The following MOXD1 variants were observed in gnomAD, a reference collection of about 807,000 sequenced individuals.
The protein encoded by MOXD1 is monooxygenase DBH like 1.
Under a neutral mutation model 66.6 loss-of-function variants are expected in MOXD1, and 62 were observed. The observed-to-expected ratio is 0.93, with a 90% CI of 0.76 to 1.15. The LOEUF (loss-of-function observed/expected upper bound fraction) is 1.15, where lower values mean the gene tolerates loss of function less well. MOXD1 is among the 50% of genes most tolerant of loss of function. The probability of loss-of-function intolerance (pLI) is 0.00; values close to 1 mark genes in which losing one functional copy is unlikely to be tolerated. For synonymous variants in MOXD1, 303 were observed against 281.9 expected (o/e 1.07, Z -0.75); for missense variants, 847 against 754.6 (o/e 1.12, Z -1.44).
rs562012652 is a variant in MOXD1, at chr6:132,317,095, A to T, written c.1366-1318T>A. Among the ~76,000 whole-genome samples the T allele has an allele frequency of 1.2e-4, 19 of 152,302 alleles. No homozygotes were observed. The South Asian group carries it at 3.3e-3, about 27-fold the overall frequency. ...GAATACAATTGACAGCTGACATTTCATCATAAATGATGGAAATAACAAAAA... is the reference window on the plus strand; with the variant it reads ...GAATACAATTGACAGCTGACATTTCTTCATAAATGATGGAAATAACAAAAA... On this transcript the variant is annotated intron_variant, in intron 9 of 11. Coordinates refer to ENST00000367963, the MANE Select transcript of MOXD1 (RefSeq NM_015529.4).
At position 132,346,605 on chromosome 6, in the gene MOXD1, G is replaced by A. The variant is rs534548173; in HGVS notation, c.664-18011C>T. Among the ~76,000 whole-genome samples, 17 of 152,278 alleles carry A rather than the reference G, an allele frequency of 1.1e-4. No homozygotes were observed. In the South Asian group the frequency reaches 3.3e-3, roughly 30 times the overall value. On this transcript the variant is annotated intron_variant, in intron 4 of 11. Transcript: ENST00000367963. ...GGCCTTTTAAATGCCTGCAAAGTAA[G>A]TTCTGTTCTATCTGGTAATGAAAGC...
At chr6:132,398,073 A>C (rs1776936789) in intron 1 of MOXD1, among the ~76,000 whole-genome samples, 1 of 152,088 alleles carries the variant, frequency 6.6e-6, no homozygotes, top group African/African-American at 2.4e-5. Context: ...TTGAGTCTCT[A>C]TTGTCTATCA....
rs1562283409 is a variant in MOXD1 at position 132,328,076 on chromosome 6, T to G, written c.883A>C (p.Thr295Pro). The G allele has an allele frequency of 2.5e-6, 4 of 1,613,540 alleles. No homozygotes were observed. The highest frequency in any genetic ancestry group is 3.4e-6 in the Non-Finnish European group (4 of 1,179,850). ...YPPHVGLSLG[T>P]PLDPHYVLLE... Reference sequence around the variant, plus strand: ...AGCACATAATGCGGATCTAATGGAGTGCCAAGGGATAATCCAACATGAGGT... The same window carrying G: ...AGCACATAATGCGGATCTAATGGAGGGCCAAGGGATAATCCAACATGAGGT... The change falls in exon 6 of 12, where the codon ACT (threonine) becomes CCT (proline). Residue 295 changes from threonine (T) to proline (P), a missense_variant. Physicochemically the swap from Thr to Pro is conservative, Grantham distance 38. Transcript: ENST00000367963.
intron 4 of MOXD1, among the ~76,000 whole-genome samples, chr6:132,364,539 GAGAA>G (rs1458001299): frequency 3.3e-5 from 5 of 152,168 alleles, no homozygotes; most frequent in Non-Finnish European, 5.9e-5. Flanking sequence ...TCCAGTGAAT[GAGAA>G]AGAGAGTTTG....
At chr6:132,370,280 A>G (rs1055522958) in intron 4 of MOXD1, among the ~76,000 whole-genome samples, 4 of 152,098 alleles carry the variant, frequency 2.6e-5, no homozygotes, top group African/African-American at 7.2e-5. Context: ...GAGCATGGAA[A>G]TCAGACAACT....
intron 6 of MOXD1, 22 bp from the exon 7 acceptor site, chr6:132,324,119 A>G (rs1354928625): frequency 3.1e-6 from 5 of 1,594,940 alleles, no homozygotes; most frequent in African/African-American, 2.7e-5. Flanking sequence ...GCACATAATT[A>G]AAGTGATTTT....
intron 4 of MOXD1, among the ~76,000 whole-genome samples, chr6:132,329,945 T>C (rs187112626): frequency 1.8e-4 from 28 of 152,320 alleles, no homozygotes; most frequent in Admixed American, 7.8e-4. Flanking sequence ...GCAGTGAAAT[T>C]GGTCCTAATG....
chr6:132,336,620 A>C (rs1323385292), intron 4 of MOXD1, among the ~76,000 whole-genome samples: 1 of 152,172 alleles, frequency 6.6e-6, no homozygotes, highest in Non-Finnish European at 1.5e-5. Flanking sequence ...TAAGGGTGCA[A>C]TGCAAATCCT....
At chr6:132,311,734 GTATT>G (rs1774835856) in intron 10 of MOXD1, among the ~76,000 whole-genome samples, 1 of 148,778 alleles carries the variant, frequency 6.7e-6, no homozygotes, top group African/African-American at 2.5e-5. Context: ...TCTTGTAACA[GTATT>G]TAATCAATTC....
At chr6:132,395,051 AG>A (rs1448866106) in intron 1 of MOXD1, among the ~76,000 whole-genome samples, 1 of 152,206 alleles carries the variant, frequency 6.6e-6, no homozygotes, top group Non-Finnish European at 1.5e-5. Flanking sequence ...AACTCAAAAA[AG>A]CAAGAGAAAA....
intron 9 of MOXD1, 25 bp from the exon 10 acceptor site, chr6:132,315,802 A>G: frequency 6.2e-7 from 1 of 1,611,702 alleles, no homozygotes; most frequent in East Asian, 2.2e-5. Flanking sequence ...TTTATTTAGC[A>G]AAGTATGTGT....
At chr6:132,329,765 A>G (rs1034263844) in intron 4 of MOXD1, among the ~76,000 whole-genome samples, 5 of 152,156 alleles carry the variant, frequency 3.3e-5, no homozygotes, top group African/African-American at 1.2e-4. Flanking sequence ...AACAACAAGG[A>G]AACTTACTGC....
chr6:132,386,294 T>C lies in MOXD1; in HGVS notation c.265-11517A>G, dbSNP rs9402401. ...GCGGGCGCCTGTAGTCCCAGCTACT[T>C]GGGAGGCTGAGGCAGGAGAATGGCG... On this transcript the variant is annotated intron_variant, in intron 1 of 11. Transcript: ENST00000367963. Among the ~76,000 whole-genome samples the C allele has an allele frequency of 7.3e-4, 87 of 118,784 alleles. 5 individuals carry two copies. Among genetic ancestry groups the C allele is most frequent in the African/African-American group, 1.9e-3 (56 of 29,216 alleles). 77.9% of individuals were successfully genotyped at this position (118,784 alleles called of 152,430 possible).
chr6:132,361,892 G>T (rs1238326954), intron 4 of MOXD1, among the ~76,000 whole-genome samples: 5 of 152,080 alleles, frequency 3.3e-5, no homozygotes, highest in Non-Finnish European at 7.4e-5. Context: ...CCCAAAGAAA[G>T]TCTTGATACC....
At chr6:132,395,942 T>C (rs1417795927) in intron 1 of MOXD1, among the ~76,000 whole-genome samples, 1 of 152,082 alleles carries the variant, frequency 6.6e-6, no homozygotes, top group East Asian at 1.9e-4. Flanking sequence ...AACACAGTAA[T>C]AGGAACGTTA....
chr6:132,329,634 CT>C (rs1219690225), intron 4 of MOXD1, among the ~76,000 whole-genome samples: 1 of 151,938 alleles, frequency 6.6e-6, no homozygotes, highest in Non-Finnish European at 1.5e-5. Flanking sequence ...ATCATTTTTA[CT>C]GGTGATTTTA....
chr6:132,315,694 A>G lies in MOXD1; in HGVS notation c.1449T>C (p.Ile483=). The G allele has an allele frequency of 3.1e-6, 5 of 1,613,624 alleles. No individual in the cohort carries two copies. In the South Asian group the frequency reaches 5.5e-5, roughly 18 times the overall value. ...PRINLTRCAS[I]PDIMEQLQFI... ...ACTGAAGTTGTTCCATAATGTCTGGAATACTTGCACATCGAGTAAGATTAA... is the reference window on the plus strand; with the variant it reads ...ACTGAAGTTGTTCCATAATGTCTGGGATACTTGCACATCGAGTAAGATTAA... The change falls in exon 10 of 12, where the codon ATT becomes ATC. Residue 483 remains isoleucine (I), a synonymous_variant. Coordinates refer to ENST00000367963, the MANE Select transcript of MOXD1 (RefSeq NM_015529.4).
chr6:132,358,496 G>T (rs1295853326), intron 4 of MOXD1, among the ~76,000 whole-genome samples: 1 of 152,170 alleles, frequency 6.6e-6, no homozygotes. Context: ...TTTGGTACAT[G>T]ATGAGCAATC....
chr6:132,372,157 C>CT (rs1262482321), intron 4 of MOXD1, among the ~76,000 whole-genome samples: 2 of 152,040 alleles, frequency 1.3e-5, no homozygotes, highest in African/African-American at 2.4e-5. Flanking sequence ...CACTAATTTT[C>CT]TTTTTTCTAT....
Sources: allele counts gnomAD v4.1 joint callset (sites outside exome capture counted in the v4.1 genomes callset), GRCh38; gene constraint gnomAD v4.1.1; transcripts MANE v1.5; gene names NCBI Gene and HGNC (gene_info 2026-07-23, HGNC 2026-07-21).